PLXNA4: variants seen among roughly 807,000 people sequenced by gnomAD.
PLXNA4 encodes the protein plexin A4.
In PLXNA4, 44 loss-of-function variants were observed where a neutral mutation model predicts 191.8. The ratio of observed to expected loss-of-function variants is 0.23; its 90% confidence interval spans 0.18 to 0.29. The LOEUF is 0.29. Among genes scored for constraint, PLXNA4 ranks in the 10% least tolerant of loss-of-function variants. The pLI is 1.00. For synonymous variants in PLXNA4, 1,082 were observed against 1,009.5 expected, an observed-to-expected ratio of 1.07 and a Z score of -1.36; for missense variants, 1,800 against 2,488.8, an observed-to-expected ratio of 0.72 and a Z score of 5.89.
chr7:132,637,463 G>C (rs1803631107), intron 2 of PLXNA4, among the ~76,000 whole-genome samples: 1 of 152,148 alleles, frequency 6.6e-6, no homozygotes, highest in Non-Finnish European at 1.5e-5. Context: ...TGCACAGGTG[G>C]AAGGCCACAC....
intron 23 of PLXNA4, among the ~76,000 whole-genome samples, chr7:132,164,829 T>C (rs1174630041): frequency 6.7e-6 from 1 of 148,608 alleles, no homozygotes; most frequent in East Asian, 1.9e-4. Context: ...AGAGAAATAA[T>C]GGGCAAATTG....
intron 3 of PLXNA4, among the ~76,000 whole-genome samples, chr7:132,425,826 G>A (rs377759362): frequency 6.6e-5 from 10 of 152,188 alleles, no homozygotes; most frequent in African/African-American, 1.9e-4. Flanking sequence ...AGGTGGGGGC[G>A]GGAGCTGGGG....
rs185096328 is a variant in PLXNA4 at position 132,456,038 on chromosome 7, G to A, written c.1371+33254C>T. 1.6e-4 allele frequency among the ~76,000 whole-genome samples: 25 copies of A among 152,278 alleles called. No individual in the cohort carries two copies. The East Asian group carries it at 4.1e-3, about 25-fold the overall frequency. On this transcript the variant is annotated intron_variant, in intron 3 of 31. Coordinates refer to ENST00000321063, the MANE Select transcript of PLXNA4 (RefSeq NM_020911.2). ...CTGACAGGGCGCCGGTGGGAGGGCA[G>A]GAGGGAGACAAAACCATTTATATGT...
intron 2 of PLXNA4, among the ~76,000 whole-genome samples, chr7:132,492,809 G>A (rs766956676): frequency 3.9e-5 from 6 of 152,190 alleles, no homozygotes; most frequent in East Asian, 3.9e-4. Flanking sequence ...TTATTGGAGC[G>A]ATGGCACCTG....
chr7:132,282,547 G>T (rs1322888914), intron 4 of PLXNA4, among the ~76,000 whole-genome samples: 3 of 141,080 alleles, frequency 2.1e-5, no homozygotes, highest in African/African-American at 8.0e-5. Context: ...GTTGCAGTGA[G>T]CCACGATTGC....
chr7:132,548,033 A>C (rs1321331349), intron 1 of PLXNA4, among the ~76,000 whole-genome samples: 1 of 152,100 alleles, frequency 6.6e-6, no homozygotes, highest in Non-Finnish European at 1.5e-5. Context: ...CGAAGAAAAC[A>C]CCCAGCCACA....
chr7:132,362,883 C>T (rs2116859588), intron 3 of PLXNA4, among the ~76,000 whole-genome samples: 1 of 152,318 alleles, frequency 6.6e-6, no homozygotes, highest in African/African-American at 2.4e-5. Context: ...GTATACATAG[C>T]ATAAAACTTG....
At chr7:132,534,997 G>C (rs937098397) in intron 1 of PLXNA4, among the ~76,000 whole-genome samples, 1 of 152,134 alleles carries the variant, frequency 6.6e-6, no homozygotes, top group East Asian at 1.9e-4. Flanking sequence ...GTGGCTTTAA[G>C]GCCTTCCTAT....
chr7:132,584,395 T>A (rs964040753), intron 2 of PLXNA4, among the ~76,000 whole-genome samples: 2 of 152,198 alleles, frequency 1.3e-5, no homozygotes, highest in African/African-American at 4.8e-5. Flanking sequence ...GTAGGAAGCT[T>A]GAAGTGTACA....
intron 1 of PLXNA4, among the ~76,000 whole-genome samples, chr7:132,519,317 T>C (rs1799073689): frequency 6.6e-6 from 1 of 152,220 alleles, no homozygotes; most frequent in Non-Finnish European, 1.5e-5. Flanking sequence ...CCAGGGGTAC[T>C]GGCTCCTGGT....
intron 3 of PLXNA4, among the ~76,000 whole-genome samples, chr7:132,396,682 G>A (rs1016444413): frequency 2.6e-5 from 4 of 152,158 alleles, no homozygotes; most frequent in Non-Finnish European, 5.9e-5. Context: ...GGTAGAGGAC[G>A]GGGCTTCACC....
intron 25 of PLXNA4, among the ~76,000 whole-genome samples, chr7:132,149,773 C>G (rs552511963): frequency 1.9e-4 from 29 of 152,168 alleles, no homozygotes; most frequent in Non-Finnish European, 3.4e-4. Flanking sequence ...CTTGACCCAC[C>G]AGGGATTTCT....
In PLXNA4 at chr7:132,166,035, A is replaced by C. The variant is rs190647002; in HGVS notation, c.4287-835T>G. Among the ~76,000 whole-genome samples the C allele has an allele frequency of 3.3e-5, 5 of 152,180 alleles. No individual in the cohort carries two copies. In the East Asian group the frequency reaches 9.8e-4, roughly 30 times the overall value. On this transcript the variant is annotated intron_variant, in intron 22 of 31. Coordinates refer to ENST00000321063, the MANE Select transcript of PLXNA4 (RefSeq NM_020911.2). ...AACATGGTGAAACCCCCTCTCTACT[A>C]AAAACACAAAAATTAGCTGGGCGTG...
intron 2 of PLXNA4, among the ~76,000 whole-genome samples, chr7:132,635,183 T>C (rs1563200323): frequency 6.8e-6 from 1 of 147,290 alleles, no homozygotes; most frequent in Admixed American, 6.8e-5. Context: ...TATATATATA[T>C]ATATATATAT....
chr7:132,379,725 C>A (rs935069065), intron 3 of PLXNA4, among the ~76,000 whole-genome samples: 1 of 152,202 alleles, frequency 6.6e-6, no homozygotes, highest in Non-Finnish European at 1.5e-5. Flanking sequence ...TTCAAGGTTG[C>A]AAACCACCAG....
intron 1 of PLXNA4, among the ~76,000 whole-genome samples, chr7:132,569,301 C>T (rs181105473): frequency 6.6e-6 from 1 of 152,332 alleles, no homozygotes; most frequent in East Asian, 1.9e-4. Flanking sequence ...CCTACCTCTC[C>T]TCCTTTGCTT....
chr7:132,388,372 A>G lies in PLXNA4; in HGVS notation c.1372-90150T>C, dbSNP rs114071107. Among the ~76,000 whole-genome samples, 1,297 of 152,274 alleles carry G rather than the reference A, an allele frequency of 8.5e-3. 25 individuals are homozygous for G. The highest frequency in any genetic ancestry group is 0.029 in the African/African-American group (1,213 of 41,548). On this transcript the variant is annotated intron_variant, in intron 3 of 31. Transcript: ENST00000321063. ...CCCCAATGTTAAGTATCTTGCCCAAAGTCACCCAGCCACATTGTGTCCCTG... is the reference window on the plus strand; with the variant it reads ...CCCCAATGTTAAGTATCTTGCCCAAGGTCACCCAGCCACATTGTGTCCCTG...
intron 3 of PLXNA4, among the ~76,000 whole-genome samples, chr7:132,306,618 C>T (rs1801532896): frequency 6.6e-6 from 1 of 152,178 alleles, no homozygotes; most frequent in Admixed American, 6.5e-5. Flanking sequence ...AGAATTAGCA[C>T]ACCAAAGAGT....
At chr7:132,466,309 TGAG>T (rs1281770811) in intron 3 of PLXNA4, among the ~76,000 whole-genome samples, 1 of 152,146 alleles carries the variant, frequency 6.6e-6, no homozygotes, top group Non-Finnish European at 1.5e-5. Flanking sequence ...CAGGGCATGA[TGAG>T]GACCCGTATG....
Sources: allele counts gnomAD v4.1 joint callset (sites outside exome capture counted in the v4.1 genomes callset), GRCh38; gene constraint gnomAD v4.1.1; transcripts MANE v1.5; gene names NCBI Gene and HGNC (gene_info 2026-07-23, HGNC 2026-07-21).